The following USH2A variants were observed in gnomAD, a reference collection of about 807,000 sequenced individuals.
The protein encoded by USH2A is Usher syndrome 2A (autosomal recessive, mild).
In USH2A, 443 loss-of-function variants were observed where a neutral mutation model predicts 538.9. The ratio of observed to expected loss-of-function variants is 0.82; its 90% confidence interval spans 0.76 to 0.89. The LOEUF is 0.89. Ranked by LOEUF, USH2A falls within the 40% of genes least tolerant of loss-of-function variation. USH2A has a pLI of 0.00. For missense variants in USH2A, 6,633 were observed against 6,324.8 expected (o/e 1.05, Z -1.65); for synonymous variants, 2,413 against 2,273.5 (o/e 1.06, Z -1.75).
At chr1:216,009,075 G>A (rs1447840092) in intron 32 of USH2A, among the ~76,000 whole-genome samples, 15 of 151,566 alleles carry the variant, frequency 9.9e-5, no homozygotes, top group Non-Finnish European at 2.2e-4. Context: ...TCTGTGCCCC[G>A]ACCTCTTATC....
intron 4 of USH2A, among the ~76,000 whole-genome samples, chr1:216,356,190 T>A (rs1434947469): frequency 1.3e-5 from 2 of 152,038 alleles, no homozygotes; most frequent in Non-Finnish European, 2.9e-5. Flanking sequence ...GTACAATGAG[T>A]TAAATGTCCA....
intron 37 of USH2A, among the ~76,000 whole-genome samples, chr1:215,959,973 A>G (rs562285929): frequency 1.3e-5 from 2 of 152,174 alleles, no homozygotes; most frequent in Non-Finnish European, 2.9e-5. Flanking sequence ...TAACCACTTA[A>G]GAAAAAAGCA....
chr1:215,738,139 T>C (rs952121519), intron 60 of USH2A, among the ~76,000 whole-genome samples: 3 of 152,096 alleles, frequency 2.0e-5, no homozygotes, highest in Non-Finnish European at 4.4e-5. Context: ...ATTTAATGTG[T>C]TTGATGGATT....
chr1:216,357,426 G>C (rs1053377019), intron 4 of USH2A, among the ~76,000 whole-genome samples: 2 of 151,964 alleles, frequency 1.3e-5, no homozygotes, highest in African/African-American at 4.8e-5. Context: ...TGTGTATCTA[G>C]CAGAGGTTAG....
intron 11 of USH2A, among the ~76,000 whole-genome samples, chr1:216,256,441 T>C (rs1338034470): frequency 6.6e-6 from 1 of 151,904 alleles, no homozygotes; most frequent in East Asian, 1.9e-4. Context: ...TTATCCTACA[T>C]CTTTATCACA....
chr1:215,801,001 C>T (rs1428411249), intron 49 of USH2A, among the ~76,000 whole-genome samples: 1 of 151,952 alleles, frequency 6.6e-6, no homozygotes, highest in Non-Finnish European at 1.5e-5. Flanking sequence ...CAATGTAACA[C>T]ATTATATCAA....
At chr1:215,772,385 T>C (rs1051744136) in intron 55 of USH2A, among the ~76,000 whole-genome samples, 1 of 152,152 alleles carries the variant, frequency 6.6e-6, no homozygotes, top group Admixed American at 6.5e-5. Flanking sequence ...GGCAAACACA[T>C]GGAGAAAAGC....
intron 61 of USH2A, among the ~76,000 whole-genome samples, chr1:215,698,223 A>C (rs1258511139): frequency 6.6e-6 from 1 of 152,176 alleles, no homozygotes; most frequent in East Asian, 1.9e-4. Context: ...TATCCAGTCT[A>C]TCATTGATGG....
intron 30 of USH2A, among the ~76,000 whole-genome samples, chr1:216,065,292 C>G (rs1202496231): frequency 6.6e-6 from 1 of 152,106 alleles, no homozygotes; most frequent in Non-Finnish European, 1.5e-5. Flanking sequence ...TGTTCTTATC[C>G]TAACCTTAGA....
intron 21 of USH2A, among the ~76,000 whole-genome samples, chr1:216,157,784 T>C (rs558350395): frequency 2.4e-4 from 36 of 152,158 alleles, no homozygotes; most frequent in African/African-American, 7.7e-4. Context: ...GACATAAACA[T>C]GAGAACAACA....
chr1:216,096,086 T>C (rs2032435542), intron 22 of USH2A, among the ~76,000 whole-genome samples: 1 of 152,220 alleles, frequency 6.6e-6, no homozygotes, highest in Non-Finnish European at 1.5e-5. Flanking sequence ...CTCACTGATA[T>C]TTGTTCAACT....
At chr1:215,878,399 T>C (rs192263422) in intron 42 of USH2A, among the ~76,000 whole-genome samples, 2 of 152,296 alleles carry the variant, frequency 1.3e-5, no homozygotes, top group African/African-American at 4.8e-5. Flanking sequence ...TGCCAAAGAA[T>C]TACTGTGTTA....
intron 16 of USH2A, among the ~76,000 whole-genome samples, 168 bp from the exon 17 acceptor site, chr1:216,200,289 G>T (rs1193241425): frequency 2.0e-5 from 3 of 152,106 alleles, no homozygotes; most frequent in Non-Finnish European, 4.4e-5. Flanking sequence ...GTAAATACCG[G>T]TTGATTGCTT....
chr1:215,918,716 T>C (rs139203160), intron 38 of USH2A, among the ~76,000 whole-genome samples: 397 of 152,216 alleles, frequency 2.6e-3, no homozygotes, highest in Non-Finnish European at 4.5e-3. Flanking sequence ...TTCTAAGAAC[T>C]GATTTCACCT....
chr1:216,048,489 T>C (rs2102526605), intron 31 of USH2A, 45 bp downstream of exon 31: 1 of 1,562,278 alleles, frequency 6.4e-7, no homozygotes, highest in Non-Finnish European at 8.8e-7. Flanking sequence ...TATTTTATTA[T>C]TCATGACTGA....
chr1:216,347,168 G>T (rs551767918), intron 4 of USH2A, among the ~76,000 whole-genome samples: 5 of 152,112 alleles, frequency 3.3e-5, no homozygotes, highest in Non-Finnish European at 7.4e-5. Flanking sequence ...TCTAGATAAG[G>T]CCTGGGGACA....
chr1:215,763,834 T>C (rs566190045), intron 56 of USH2A, among the ~76,000 whole-genome samples: 1 of 152,170 alleles, frequency 6.6e-6, no homozygotes, highest in Non-Finnish European at 1.5e-5. Context: ...TAAGGCAGTG[T>C]TAAAAGGGAC....
In USH2A at chr1:215,888,564, T is replaced by G. The variant is rs1665126379; in HGVS notation, c.8085A>C (p.Lys2695Asn). ...DKTSALSPWT[K>N]YEYRVLMSTL... ...TGCTCATCAGTACCCGATATTCATATTTTGTCCATGGGCTAAGAGCAGAAG... is the reference window on the plus strand; with the variant it reads ...TGCTCATCAGTACCCGATATTCATAGTTTGTCCATGGGCTAAGAGCAGAAG... The change falls in exon 41 of 72, where the codon AAA becomes AAC. Residue 2695 changes from lysine (K) to asparagine (N), a missense_variant. Lys to Asn is a moderately conservative substitution (Grantham distance 94, BLOSUM62 0). Coordinates refer to ENST00000307340, the MANE Select transcript of USH2A (RefSeq NM_206933.4). 6.2e-7 allele frequency: 1 copy of G among 1,614,182 alleles called. No homozygotes were observed. Among genetic ancestry groups the G allele is most frequent in the Admixed American group, 1.7e-5 (1 of 60,024 alleles).
intron 37 of USH2A, among the ~76,000 whole-genome samples, chr1:215,958,812 G>T (rs1332581842): frequency 6.6e-6 from 1 of 151,876 alleles, no homozygotes; most frequent in African/African-American, 2.4e-5. Context: ...TTATTTCTCT[G>T]ACCACTCCTA....
Sources: allele counts gnomAD v4.1 joint callset (sites outside exome capture counted in the v4.1 genomes callset), GRCh38; gene constraint gnomAD v4.1.1; transcripts MANE v1.5; gene names NCBI Gene and HGNC (gene_info 2026-07-23, HGNC 2026-07-21).